TXNRD1: variants seen among roughly 807,000 people sequenced by gnomAD.
The protein encoded by TXNRD1 is thioredoxin reductase 1, cytoplasmic.
Under a neutral mutation model 80.3 loss-of-function variants are expected in TXNRD1, and 57 were observed. That is an observed-to-expected ratio of 0.71 (90% CI 0.57 to 0.89). The LOEUF (loss-of-function observed/expected upper bound fraction) is 0.89, where lower values mean the gene tolerates loss of function less well. TXNRD1 is among the 40% of genes least tolerant of loss of function. The probability of loss-of-function intolerance (pLI) is 0.00; values close to 1 mark genes in which losing one functional copy is unlikely to be tolerated. For missense variants in TXNRD1, 730 were observed against 803.0 expected (o/e 0.91, Z 1.10); for synonymous variants, 291 against 285.2 (o/e 1.02, Z -0.20).
chr12:104,224,044 G>T (rs1159126981), intron 1 of TXNRD1, among the ~76,000 whole-genome samples: 1 of 152,208 alleles, frequency 6.6e-6, no homozygotes, highest in Admixed American at 6.5e-5. Flanking sequence ...AACTCCTGAT[G>T]AAATTTCTTT....
At chr12:104,269,641 C>T (rs11111966) in intron 3 of TXNRD1, among the ~76,000 whole-genome samples, 47,755 of 151,740 alleles carry the variant, frequency 0.31, 7,961 homozygotes, top group East Asian at 0.66. Flanking sequence ...GATCTCGGCT[C>T]ACAGTAACCT....
chr12:104,255,170 C>T (rs781740802), intron 2 of TXNRD1, among the ~76,000 whole-genome samples: 73 of 151,872 alleles, frequency 4.8e-4, no homozygotes, highest in Non-Finnish European at 8.5e-4. Context: ...CCAATTTTAA[C>T]CCTGCTGTAG....
chr12:104,240,976 C>T (rs2032846766), intron 1 of TXNRD1, among the ~76,000 whole-genome samples: 2 of 151,216 alleles, frequency 1.3e-5, no homozygotes, highest in South Asian at 2.1e-4. Context: ...CTCCTGACTT[C>T]GTGATCCGCC....
intron 3 of TXNRD1, among the ~76,000 whole-genome samples, chr12:104,275,168 C>T (rs1745930147): frequency 6.6e-6 from 1 of 150,448 alleles, no homozygotes; most frequent in Non-Finnish European, 1.5e-5. Flanking sequence ...ATCCCAGCTA[C>T]TCGGGTGGCT....
intron 14 of TXNRD1, among the ~76,000 whole-genome samples, chr12:104,332,140 T>C (rs528784055): frequency 6.6e-6 from 1 of 152,314 alleles, no homozygotes; most frequent in South Asian, 2.1e-4. Context: ...ACTACTTGTT[T>C]CTAGCATTAC....
At chr12:104,239,776 C>T (rs1057052303) in intron 1 of TXNRD1, among the ~76,000 whole-genome samples, 3 of 152,176 alleles carry the variant, frequency 2.0e-5, no homozygotes, top group Non-Finnish European at 4.4e-5. Flanking sequence ...AGCCACCACA[C>T]CCAGCCTCAT....
intron 1 of TXNRD1, among the ~76,000 whole-genome samples, chr12:104,237,754 C>G (rs1345856672): frequency 2.0e-5 from 3 of 152,186 alleles, no homozygotes; most frequent in Admixed American, 2.0e-4. Flanking sequence ...GTGGCTCATG[C>G]CTGTAATCCC....
chr12:104,258,207 C>A, intron 3 of TXNRD1, 128 bp downstream of exon 3: 1 of 685,188 alleles, frequency 1.5e-6, no homozygotes, highest in Non-Finnish European at 2.4e-6. Flanking sequence ...GCTGATTCTT[C>A]TTTTTGGTCT....
chr12:104,345,908 G>C (rs2036473753), intron 16 of TXNRD1: 11 of 1,232,388 alleles, frequency 8.9e-6, no homozygotes, highest in Non-Finnish European at 1.2e-5. Flanking sequence ...TGTGTGTTGG[G>C]ATGGAAGGGC....
chr12:104,283,873 AAAAT>A (rs1021123225), intron 3 of TXNRD1, among the ~76,000 whole-genome samples: 1 of 152,062 alleles, frequency 6.6e-6, no homozygotes, highest in Non-Finnish European at 1.5e-5. Context: ...TCTCTCTCTC[AAAAT>A]AAATAAATAA....
At chr12:104,249,805 G>T (rs553913198) in intron 1 of TXNRD1, among the ~76,000 whole-genome samples, 2 of 151,802 alleles carry the variant, frequency 1.3e-5, no homozygotes, top group Admixed American at 6.6e-5. Flanking sequence ...CGTGGTGGCA[G>T]GCGCCTGTAG....
intron 3 of TXNRD1, among the ~76,000 whole-genome samples, chr12:104,281,408 T>TA (rs1565875868): frequency 8.6e-5 from 7 of 81,282 alleles, no homozygotes; most frequent in African/African-American, 2.2e-4. Context: ...ACTTTTTTTT[T>TA]TTTTTTTTTT....
intron 6 of TXNRD1, among the ~76,000 whole-genome samples, chr12:104,315,063 T>G (rs2135815780): frequency 6.6e-6 from 1 of 152,342 alleles, no homozygotes; most frequent in East Asian, 1.9e-4. Flanking sequence ...AAATTTTATA[T>G]GCAGTTTAAG....
chr12:104,254,641 AAAAATATATAT>A (rs1223457361), intron 2 of TXNRD1, among the ~76,000 whole-genome samples: 35 of 129,590 alleles, frequency 2.7e-4, no homozygotes, highest in Non-Finnish European at 5.1e-4. Context: ...AAAAAAAAAA[AAAAATATATAT>A]ATATATATAT....
At chr12:104,265,427 C>G (rs929495142) in intron 3 of TXNRD1, 4 of 1,603,598 alleles carry the variant, frequency 2.5e-6, no homozygotes, top group Non-Finnish European at 3.4e-6. Context: ...CATGTCGTCG[C>G]CAAGTCCCGC....
intron 16 of TXNRD1, among the ~76,000 whole-genome samples, chr12:104,340,644 C>T (rs2036292085): frequency 6.6e-6 from 1 of 152,196 alleles, no homozygotes; most frequent in Non-Finnish European, 1.5e-5. Context: ...ATGGCCTCAT[C>T]CCTTGTGTGT....
intron 3 of TXNRD1, chr12:104,287,307 G>T (rs1306849681): frequency 1.9e-6 from 3 of 1,613,892 alleles, no homozygotes. Flanking sequence ...TGGCGTGTGC[G>T]GTTTCGACCC....
chr12:104,348,250 G>C, intron 16 of TXNRD1, 103 bp from the exon 17 acceptor site: 1 of 944,328 alleles, frequency 1.1e-6, no homozygotes, highest in South Asian at 1.5e-5. Context: ...CATTTTGGTA[G>C]TCGCCTAAGA....
chr12:104,287,028 C>T (rs1054902273), intron 3 of TXNRD1: 10 of 1,376,530 alleles, frequency 7.3e-6, no homozygotes, highest in Non-Finnish European at 9.4e-6. Flanking sequence ...CCTCAGTTTT[C>T]TTCACTCCGG....
Sources: allele counts gnomAD v4.1 joint callset (sites outside exome capture counted in the v4.1 genomes callset), GRCh38; gene constraint gnomAD v4.1.1; transcripts MANE v1.5; gene names NCBI Gene and HGNC (gene_info 2026-07-23, HGNC 2026-07-21).